Variants in BLK observed in about 807,000 individuals in gnomAD.
BLK encodes the protein BLK proto-oncogene, Src family tyrosine kinase, also known as tyrosine-protein kinase Blk.
Under a neutral mutation model 61.8 loss-of-function variants are expected in BLK, and 64 were observed. That is an observed-to-expected ratio of 1.03 (90% CI 0.85 to 1.27). The LOEUF is 1.27. Among genes scored for constraint, BLK ranks in the 50% most tolerant of loss-of-function variants. BLK has a pLI of 0.00. For synonymous variants in BLK, 351 were observed against 272.0 expected (o/e 1.29, Z -2.86); for missense variants, 853 against 660.5 (o/e 1.29, Z -3.19).
chr8:11,543,198 C>T (rs769002028), intron 1 of BLK, 26 bp from the exon 2 acceptor site: 12 of 1,613,424 alleles, frequency 7.4e-6, no homozygotes, highest in Admixed American at 6.7e-5. Context: ...CTCTCATGTC[C>T]TCTGTCTGCT....
At chr8:11,515,534 T>A (rs777102350) in intron 1 of BLK, among the ~76,000 whole-genome samples, 3 of 152,210 alleles carry the variant, frequency 2.0e-5, no homozygotes, top group Non-Finnish European at 2.9e-5. Context: ...ATTCTTTTAC[T>A]GTCTTTGGCT....
chr8:11,498,188 T>A (rs1798425586), intron 1 of BLK, among the ~76,000 whole-genome samples: 1 of 152,198 alleles, frequency 6.6e-6, no homozygotes, highest in African/African-American at 2.4e-5. Context: ...AAGACACACC[T>A]GGGATGCAAA....
At chr8:11,545,737 A>G in intron 2 of BLK, 1 of 430,348 alleles carries the variant, frequency 2.3e-6, no homozygotes. Flanking sequence ...TTGCAGTTTG[A>G]TCTTGTAATG....
chr8:11,495,479 C>T (rs972496561), intron 1 of BLK, among the ~76,000 whole-genome samples: 12 of 152,206 alleles, frequency 7.9e-5, no homozygotes, highest in Non-Finnish European at 1.3e-4. Context: ...AGGGACCAAG[C>T]TTAGCATCAC....
chr8:11,562,083 C>T (rs10089219), intron 11 of BLK, among the ~76,000 whole-genome samples: 134,637 of 152,152 alleles, frequency 0.88, 60,810 homozygotes, highest in East Asian at 0.98. Flanking sequence ...CCTCCCAAAG[C>T]GCTGGGATGA....
intron 1 of BLK, among the ~76,000 whole-genome samples, chr8:11,495,711 C>G (rs908449824): frequency 2.0e-5 from 3 of 152,192 alleles, no homozygotes; most frequent in Non-Finnish European, 2.9e-5. Flanking sequence ...CACCCAAACC[C>G]AGAATTCGCA....
rs115960911 is a variant in BLK, at chr8:11,503,871, C to T, written c.-2+9280C>T. Among the ~76,000 whole-genome samples, 1,466 of 152,238 alleles carry T rather than the reference C, an allele frequency of 9.6e-3. 28 individuals are homozygous for T. Among genetic ancestry groups the T allele is most frequent in the African/African-American group, 0.033 (1,388 of 41,532 alleles). On this transcript the variant is annotated intron_variant, in intron 1 of 12. Coordinates refer to ENST00000259089, the MANE Select transcript of BLK (RefSeq NM_001715.3). ...TGGTCAAGTGCATCTTTCCAGGTTCCGGCACTCCACGTTGCCACCCAGACA... is the reference window on the plus strand; with the variant it reads ...TGGTCAAGTGCATCTTTCCAGGTTCTGGCACTCCACGTTGCCACCCAGACA...
chr8:11,515,600 C>T (rs750279835), intron 1 of BLK, among the ~76,000 whole-genome samples: 29 of 152,314 alleles, frequency 1.9e-4, no homozygotes, highest in Non-Finnish European at 3.2e-4. Context: ...CCCTTCCTTC[C>T]ATTTTCTTTA....
intron 1 of BLK, among the ~76,000 whole-genome samples, chr8:11,538,725 C>T (rs1336549279): frequency 1.3e-5 from 2 of 152,142 alleles, no homozygotes; most frequent in East Asian, 3.9e-4. Flanking sequence ...ATACTAGGAG[C>T]TGCTGACCAC....
At chr8:11,552,062 A>G (rs1439013333) in intron 6 of BLK, among the ~76,000 whole-genome samples, 1 of 152,222 alleles carries the variant, frequency 6.6e-6, no homozygotes, top group African/African-American at 2.4e-5. Flanking sequence ...AGAGGAGGAA[A>G]GGGAGAGAGA....
chr8:11,513,386 CA>C (rs1799099148), intron 1 of BLK, among the ~76,000 whole-genome samples: 1 of 152,208 alleles, frequency 6.6e-6, no homozygotes, highest in Admixed American at 6.5e-5. Context: ...GAAACCAGAG[CA>C]TCATTCCTGA....
At chr8:11,512,321 T>C (rs1799043932) in intron 1 of BLK, among the ~76,000 whole-genome samples, 1 of 152,182 alleles carries the variant, frequency 6.6e-6, no homozygotes, top group Non-Finnish European at 1.5e-5. Context: ...TTCCAGAACT[T>C]GTTATGATCT....
At chr8:11,520,415 T>G (rs1799397031) in intron 1 of BLK, among the ~76,000 whole-genome samples, 1 of 130,548 alleles carries the variant, frequency 7.7e-6, no homozygotes, top group African/African-American at 3.0e-5. Context: ...AGATTGAGGC[T>G]GCAGTGAGCC....
Position 11,549,023 on chromosome 8 carries a change from G to C in BLK, c.270-1G>C. The C allele has an allele frequency of 6.2e-7, 1 of 1,606,758 alleles. No homozygotes were observed. The highest frequency in any genetic ancestry group is 1.7e-4 in the Middle Eastern group (1 of 6,052). ...ATCTCTGTTTCCCCTGCTCCCATTAGAACTGGAGACTGGTGGCTGGCCAGG... is the reference window on the plus strand; with the variant it reads ...ATCTCTGTTTCCCCTGCTCCCATTACAACTGGAGACTGGTGGCTGGCCAGG... On this transcript the variant is annotated splice_acceptor_variant, in intron 4 of 12. Transcript: ENST00000259089. LOFTEE classifies it high-confidence loss of function.
chr8:11,502,989 T>G (rs1030280754), intron 1 of BLK, among the ~76,000 whole-genome samples: 12 of 152,264 alleles, frequency 7.9e-5, no homozygotes, highest in Admixed American at 7.8e-4. Context: ...ACGGCTACTG[T>G]TTTCCACAAC....
chr8:11,546,947 C>T (rs1800675157), intron 3 of BLK, among the ~76,000 whole-genome samples: 1 of 152,212 alleles, frequency 6.6e-6, no homozygotes, highest in Non-Finnish European at 1.5e-5. Context: ...CCTTTCTGGG[C>T]CAGAGGCTCC....
intron 1 of BLK, among the ~76,000 whole-genome samples, chr8:11,510,808 A>AATAAATAC (rs1798971553): frequency 7.1e-6 from 1 of 141,842 alleles, no homozygotes. Context: ...TAAATAAATA[A>AATAAATAC]ATAAATAAAT....
At chr8:11,526,625 A>C (rs1362676879) in intron 1 of BLK, among the ~76,000 whole-genome samples, 1 of 152,238 alleles carries the variant, frequency 6.6e-6, no homozygotes, top group African/African-American at 2.4e-5. Context: ...AGGCTAAGGC[A>C]GGAGGATCAC....
chr8:11,546,172 G>A, intron 3 of BLK, 69 bp downstream of exon 3: 2 of 1,573,918 alleles, frequency 1.3e-6, no homozygotes, highest in South Asian at 2.2e-5. Context: ...TTGTGGAGTT[G>A]GAAAAAGGTT....
Sources: gnomAD v4.1 joint callset for allele counts (sites outside exome capture counted in the v4.1 genomes callset) on GRCh38, gnomAD v4.1.1 for gene constraint, MANE v1.5 for transcripts, NCBI Gene and HGNC (gene_info 2026-07-23, HGNC 2026-07-21) for gene names.